Variants in FRMD4A observed in about 807,000 individuals in gnomAD.
FRMD4A encodes the protein FERM domain containing 4A, also known as FERM domain-containing protein 4A.
In FRMD4A, 29 loss-of-function variants were observed where a neutral mutation model predicts 129.1. That is an observed-to-expected ratio of 0.22 (90% CI 0.17 to 0.31). The LOEUF is 0.31. FRMD4A is among the 10% of genes least tolerant of loss of function. FRMD4A has a pLI of 1.00. For missense variants in FRMD4A, 1,272 were observed against 1,375.8 expected (o/e 0.92, Z 1.19); for synonymous variants, 634 against 571.6 (o/e 1.11, Z -1.56).
chr10:13,646,577 C>T lies in FRMD4A; in HGVS notation c.*461G>A, dbSNP rs1589166136. On this transcript the variant is annotated 3_prime_UTR_variant, in exon 25 of 25. Coordinates refer to ENST00000357447, the MANE Select transcript of FRMD4A (RefSeq NM_018027.5). ...TTCTGGGTCACCCTGTAACTCAAGTCCCCTTTCCCGTTCTCTCCCAACGCT... is the reference window on the plus strand; with the variant it reads ...TTCTGGGTCACCCTGTAACTCAAGTTCCCTTTCCCGTTCTCTCCCAACGCT... The T allele has an allele frequency of 6.6e-6, 1 of 152,352 alleles. No individual in the cohort carries two copies. The highest frequency in any genetic ancestry group is 1.5e-5 in the Non-Finnish European group (1 of 68,152). The allele number at this position is 152,352 out of a possible 1,614,324, so 9.4% of individuals were successfully genotyped here.
intron 2 of FRMD4A, among the ~76,000 whole-genome samples, chr10:14,222,057 G>T (rs796182720): frequency 2.6e-5 from 4 of 152,148 alleles, no homozygotes; most frequent in Non-Finnish European, 4.4e-5. Context: ...CCACTACCAC[G>T]TACATGCCAT....
chr10:13,704,837 A>C (rs1220848106), intron 13 of FRMD4A, among the ~76,000 whole-genome samples: 1 of 151,958 alleles, frequency 6.6e-6, no homozygotes, highest in Non-Finnish European at 1.5e-5. Context: ...TTGAGAGGCC[A>C]AGATGGGAGG....
chr10:13,784,807 T>C (rs561207653), intron 5 of FRMD4A, among the ~76,000 whole-genome samples: 30 of 152,070 alleles, frequency 2.0e-4, no homozygotes, highest in Middle Eastern at 6.8e-3. Context: ...CTGGCCACCA[T>C]GGTGAAACCC....
chr10:13,893,703 C>T (rs775372488), intron 2 of FRMD4A, among the ~76,000 whole-genome samples: 4 of 152,096 alleles, frequency 2.6e-5, no homozygotes, highest in Admixed American at 1.3e-4. Context: ...TTAGTAGAGG[C>T]GGGGTTTTGC....
intron 2 of FRMD4A, among the ~76,000 whole-genome samples, chr10:13,904,189 C>A (rs1449650026): frequency 6.6e-6 from 1 of 152,250 alleles, no homozygotes; most frequent in Non-Finnish European, 1.5e-5. Context: ...AAAATAGGGC[C>A]TGCCTGCCTG....
chr10:13,810,224 C>T (rs112988839), intron 4 of FRMD4A, among the ~76,000 whole-genome samples: 266 of 152,156 alleles, frequency 1.7e-3, no homozygotes, highest in African/African-American at 6.1e-3. Context: ...GATAACAGTA[C>T]CTTAAAAAGA....
chr10:13,947,990 G>T (rs891251827), intron 2 of FRMD4A, among the ~76,000 whole-genome samples: 22 of 151,258 alleles, frequency 1.5e-4, no homozygotes, highest in African/African-American at 5.3e-4. Flanking sequence ...TGAGGCCAGG[G>T]ATTCAAGACC....
chr10:14,015,041 TTCC>T (rs1379639750), intron 2 of FRMD4A, among the ~76,000 whole-genome samples: 1 of 126,076 alleles, frequency 7.9e-6, no homozygotes, highest in African/African-American at 2.9e-5. Flanking sequence ...CCTCCCTCCC[TTCC>T]TTTCTTCCTT....
intron 2 of FRMD4A, among the ~76,000 whole-genome samples, chr10:14,309,024 G>A (rs763292289): frequency 8.5e-5 from 13 of 152,116 alleles, no homozygotes; most frequent in Non-Finnish European, 1.6e-4. Flanking sequence ...TTCCGTCTCC[G>A]TTTTTGTTGA....
intron 18 of FRMD4A, among the ~76,000 whole-genome samples, 173 bp from the exon 19 acceptor site, chr10:13,663,682 G>A (rs577362894): frequency 2.6e-5 from 4 of 152,252 alleles, no homozygotes; most frequent in African/African-American, 9.6e-5. Flanking sequence ...TCCCCGTGGT[G>A]GGTCATTGGC....
intron 2 of FRMD4A, among the ~76,000 whole-genome samples, chr10:13,873,962 G>A (rs1190909358): frequency 6.6e-6 from 1 of 151,856 alleles, no homozygotes; most frequent in Non-Finnish European, 1.5e-5. Flanking sequence ...GCAAGTAGAT[G>A]CTGGTTGGGT....
intron 3 of FRMD4A, among the ~76,000 whole-genome samples, chr10:13,812,210 A>G (rs1308239256): frequency 1.3e-5 from 2 of 152,152 alleles, no homozygotes; most frequent in Non-Finnish European, 2.9e-5. Flanking sequence ...CTTTTTGGGT[A>G]CTGCCATGGA....
rs1469925770 is a variant in FRMD4A at position 13,707,027 on chromosome 10, T to A, written c.836+10A>T. On this transcript the variant is annotated intron_variant, in intron 13 of 24. Coordinates refer to ENST00000357447, the MANE Select transcript of FRMD4A (RefSeq NM_018027.5). ...CGCCATCCCGCAAGAAAAGGACTTTTCAAGCTTACCTGCGTGGGTCATGAA... is the reference window on the plus strand; with the variant it reads ...CGCCATCCCGCAAGAAAAGGACTTTACAAGCTTACCTGCGTGGGTCATGAA... 6.7e-7 allele frequency: 1 copy of A among 1,490,178 alleles called. No homozygotes were observed. Among genetic ancestry groups the A allele is most frequent in the Non-Finnish European group, 9.4e-7 (1 of 1,067,136 alleles). 92.3% of individuals were successfully genotyped at this position (1,490,178 alleles called of 1,614,324 possible).
At chr10:14,244,297 G>T (rs569753323) in intron 2 of FRMD4A, among the ~76,000 whole-genome samples, 1 of 152,248 alleles carries the variant, frequency 6.6e-6, no homozygotes, top group South Asian at 2.1e-4. Context: ...CCTTCCAGGC[G>T]CCAGAATGCC....
At chr10:14,255,633 C>T (rs1167046925) in intron 2 of FRMD4A, among the ~76,000 whole-genome samples, 1 of 152,138 alleles carries the variant, frequency 6.6e-6, no homozygotes, top group Non-Finnish European at 1.5e-5. Flanking sequence ...TGCCCTCGAA[C>T]TGCAGCTGTG....
At chr10:13,696,011 C>T (rs3750884) in intron 14 of FRMD4A, among the ~76,000 whole-genome samples, 23,748 of 152,170 alleles carry the variant, frequency 0.16, 2,848 homozygotes, top group East Asian at 0.34. Flanking sequence ...TTGTTTTCTT[C>T]ACCTGGTGTG....
intron 2 of FRMD4A, among the ~76,000 whole-genome samples, chr10:14,206,648 CA>C (rs1160130713): frequency 6.2e-4 from 93 of 149,654 alleles, no homozygotes; most frequent in African/African-American, 2.2e-3. Context: ...AAAATAAATA[CA>C]AAAAAAAATT....
chr10:14,160,460 C>T (rs561813098), intron 2 of FRMD4A, among the ~76,000 whole-genome samples: 22 of 152,230 alleles, frequency 1.4e-4, no homozygotes, highest in African/African-American at 5.1e-4. Context: ...AGCTAAAAAG[C>T]TACTGCCCAG....
chr10:14,220,296 C>T (rs796279041), intron 2 of FRMD4A, among the ~76,000 whole-genome samples: 6 of 152,364 alleles, frequency 3.9e-5, no homozygotes, highest in African/African-American at 1.2e-4. Flanking sequence ...GGCCCCACTT[C>T]GGGAAACAGC....
Sources: gnomAD v4.1 joint callset for allele counts (sites outside exome capture counted in the v4.1 genomes callset) on GRCh38, gnomAD v4.1.1 for gene constraint, MANE v1.5 for transcripts, NCBI Gene and HGNC (gene_info 2026-07-23, HGNC 2026-07-21) for gene names.